RASSF5: variants seen among roughly 807,000 people sequenced by gnomAD.
RASSF5 encodes the protein Ras association domain family member 5.
In RASSF5, 25 loss-of-function variants were observed where a neutral mutation model predicts 40.5. That is an observed-to-expected ratio of 0.62 (90% CI 0.45 to 0.86). The LOEUF (loss-of-function observed/expected upper bound fraction) is 0.86, where lower values mean the gene tolerates loss of function less well. Ranked by LOEUF, RASSF5 falls within the 40% of genes least tolerant of loss-of-function variation. The probability of loss-of-function intolerance (pLI) is 0.00; values close to 1 mark genes in which losing one functional copy is unlikely to be tolerated. For missense variants in RASSF5, 521 were observed against 572.8 expected (o/e 0.91, Z 0.92); for synonymous variants, 246 against 252.4 (o/e 0.97, Z 0.24).
At chr1:206,557,512 G>A in intron 2 of RASSF5, 2 of 1,603,820 alleles carry the variant, frequency 1.2e-6, no homozygotes, top group South Asian at 1.1e-5. Context: ...ACCTCCCTCC[G>A]CCGCATCCCA....
intron 1 of RASSF5, chr1:206,528,828 A>G: frequency 2.5e-6 from 1 of 401,620 alleles, no homozygotes; most frequent in Non-Finnish European, 4.4e-6. Flanking sequence ...ACTTGAGGCC[A>G]GGAGTTTGAG....
chr1:206,569,871 A>G (rs1668392799), intron 2 of RASSF5, among the ~76,000 whole-genome samples: 1 of 152,040 alleles, frequency 6.6e-6, no homozygotes, highest in Non-Finnish European at 1.5e-5. Context: ...GCCTAGTCCT[A>G]GGAAAAGAGC....
intron 1 of RASSF5, among the ~76,000 whole-genome samples, chr1:206,520,195 G>A (rs1268121954): frequency 6.6e-6 from 1 of 152,216 alleles, no homozygotes; most frequent in Non-Finnish European, 1.5e-5. Flanking sequence ...AAAAGAGGAG[G>A]GGAGAAGACA....
intron 2 of RASSF5, among the ~76,000 whole-genome samples, chr1:206,562,121 TC>T (rs1351633132): frequency 6.6e-6 from 1 of 152,106 alleles, no homozygotes; most frequent in Non-Finnish European, 1.5e-5. Flanking sequence ...CCTACACTGC[TC>T]CCTGTTCCCT....
chr1:206,512,776 C>T (rs549737806), intron 1 of RASSF5, among the ~76,000 whole-genome samples: 2 of 152,324 alleles, frequency 1.3e-5, no homozygotes, highest in Admixed American at 6.5e-5. Context: ...GCCAGAGGCT[C>T]AGGGGAAGCT....
In RASSF5 at chr1:206,584,362, C is replaced by G. The variant is rs782137327; in HGVS notation, c.691-25C>G. 1 of 1,593,154 alleles carries G rather than the reference C, an allele frequency of 6.3e-7. No homozygotes were observed. The highest frequency in any genetic ancestry group is 2.2e-5 in the East Asian group (1 of 44,740). ...TCATGCAAGGCGGACGGCCCTGACC[C>G]CCTGTGACATGCCCCCGCTGGCAGA... On this transcript the variant is annotated intron_variant, in intron 3 of 5. Transcript: ENST00000579436. The surrounding 1 kb of genome is among the most constrained non-coding windows in gnomAD (Gnocchi z 4.9).
intron 1 of RASSF5, among the ~76,000 whole-genome samples, chr1:206,508,289 ACCTGTCT>A (rs1156393024): frequency 2.0e-5 from 3 of 151,656 alleles, no homozygotes; most frequent in Non-Finnish European, 2.9e-5. Context: ...GTTAACAGAT[ACCTGTCT>A]CCTGACAGGT....
At chr1:206,577,882 T>G (rs1553405462) in intron 2 of RASSF5, among the ~76,000 whole-genome samples, 1 of 152,134 alleles carries the variant, frequency 6.6e-6, no homozygotes, top group Non-Finnish European at 1.5e-5. Context: ...TTAAAGAGCT[T>G]TAGTCTAGTT....
At position 206,536,644 on chromosome 1, in the gene RASSF5, C is replaced by T. The variant is rs907324339; in HGVS notation, c.458-1528C>T. 7.2e-5 allele frequency among the ~76,000 whole-genome samples: 11 copies of T among 152,090 alleles called. No individual in the cohort carries two copies. The East Asian group carries it at 7.7e-4, about 11-fold the overall frequency. ...GTGTGCTGTGGTGGCTTTTAAAAAT[C>T]GACACCAAATGTACTGAATTTTTGG... On this transcript the variant is annotated intron_variant, in intron 1 of 5. Coordinates refer to ENST00000579436, the MANE Select transcript of RASSF5 (RefSeq NM_182663.4).
rs1668094483 is a variant in RASSF5, at chr1:206,560,047, T to C, written c.579+21754T>C. ...GCTCTGCCATATTCTGACCCCATTC[T>C]GACCTCTTACAGTGCTTTTATTCTT... On this transcript the variant is annotated intron_variant, in intron 2 of 5. Coordinates refer to ENST00000579436, the MANE Select transcript of RASSF5 (RefSeq NM_182663.4). This position sits in a 1 kb window ranked among gnomAD's most constrained non-coding sequence, Gnocchi z 5.1. Among the ~76,000 whole-genome samples the C allele has an allele frequency of 6.6e-6, 1 of 152,262 alleles. No homozygotes were observed. Among genetic ancestry groups the C allele is most frequent in the Admixed American group, 6.5e-5 (1 of 15,280 alleles).
rs1553401121 is a variant in RASSF5 at position 206,552,143 on chromosome 1, G to A, written c.579+13850G>A. Among the ~76,000 whole-genome samples the A allele has an allele frequency of 6.6e-6, 1 of 152,216 alleles. No homozygotes were observed. Among genetic ancestry groups the A allele is most frequent in the African/African-American group, 2.4e-5 (1 of 41,444 alleles). On this transcript the variant is annotated intron_variant, in intron 2 of 5. Transcript: ENST00000579436. The surrounding 1 kb of genome is among the most constrained non-coding windows in gnomAD (Gnocchi z 4.1). ...AAGTGTGGTGTGGGTTAGCACCGCT[G>A]AGAAAGTGACTGTAGGGTGAGTCTA...
intron 1 of RASSF5, among the ~76,000 whole-genome samples, chr1:206,515,825 TTGG>T (rs1247435232): frequency 2.0e-5 from 3 of 152,210 alleles, no homozygotes; most frequent in Non-Finnish European, 4.4e-5. Context: ...AGTTGGAGAC[TTGG>T]TGGTCTCTGC....
Position 206,587,029 on chromosome 1 carries a change from A to C in RASSF5, c.*51A>C. 6.2e-7 allele frequency: 1 copy of C among 1,603,200 alleles called. No homozygotes were observed. The highest frequency in any genetic ancestry group is 8.5e-7 in the Non-Finnish European group (1 of 1,174,174). On this transcript the variant is annotated 3_prime_UTR_variant, in exon 6 of 6. Transcript: ENST00000579436. ...TGCATTCAGATTTATTTGTATTATTAATTATTATTTTGCAACAGACACTTT... is the reference window on the plus strand; with the variant it reads ...TGCATTCAGATTTATTTGTATTATTCATTATTATTTTGCAACAGACACTTT...
chr1:206,545,542 T>C (rs1667661868), intron 2 of RASSF5, among the ~76,000 whole-genome samples: 1 of 151,926 alleles, frequency 6.6e-6, no homozygotes, highest in Admixed American at 6.6e-5. Context: ...GGGGTCTTGC[T>C]CTGTTGCCCA....
chr1:206,586,781 T>C (rs782308681), intron 5 of RASSF5, 45 bp from the exon 6 acceptor site: 13 of 1,501,734 alleles, frequency 8.7e-6, no homozygotes, highest in Middle Eastern at 3.5e-4. Flanking sequence ...TTCTAACCTG[T>C]CTCCTATTCT....
intron 1 of RASSF5, among the ~76,000 whole-genome samples, chr1:206,534,592 C>T (rs987673452): frequency 2.0e-5 from 3 of 152,162 alleles, no homozygotes; most frequent in Non-Finnish European, 2.9e-5. Flanking sequence ...GAGCTGCCTG[C>T]ACCCTGAAGC....
chr1:206,507,876 C>A lies in RASSF5; in HGVS notation c.274C>A (p.Arg92=). Reference sequence around the variant, plus strand: ...CCGGCCTGGTCTGCAGCAGAGACTGCGGCGGCGGCCTGGAGCGCCCCGACC... The same window carrying A: ...CCGGCCTGGTCTGCAGCAGAGACTGAGGCGGCGGCCTGGAGCGCCCCGACC... ...PLRPGLQQRL[R]RRPGAPRPRD... The change falls in exon 1 of 6, where the codon CGG becomes AGG. Residue 92 remains arginine (R), a synonymous_variant. Coordinates refer to ENST00000579436, the MANE Select transcript of RASSF5 (RefSeq NM_182663.4). The A allele has an allele frequency of 6.7e-7, 1 of 1,492,982 alleles. No homozygotes were observed. The highest frequency in any genetic ancestry group is 1.3e-5 in the South Asian group (1 of 79,500). The allele number at this position is 1,492,982 out of a possible 1,614,324, so 92.5% of individuals were successfully genotyped here.
intron 2 of RASSF5, among the ~76,000 whole-genome samples, chr1:206,576,433 G>T (rs1052619694): frequency 1.3e-5 from 2 of 152,218 alleles, no homozygotes; most frequent in Non-Finnish European, 2.9e-5. Context: ...ATGGAGTAAA[G>T]TGAGCAAAAT....
At chr1:206,567,973 G>A (rs1572347522) in intron 2 of RASSF5, among the ~76,000 whole-genome samples, 2 of 152,166 alleles carry the variant, frequency 1.3e-5, no homozygotes, top group East Asian at 3.9e-4. Flanking sequence ...AGATCCTGAA[G>A]TTGGACCCAA....
Sources: gnomAD v4.1 joint callset for allele counts (sites outside exome capture counted in the v4.1 genomes callset) on GRCh38, gnomAD v4.1.1 for gene constraint, Gnocchi (gnomAD v3.1) non-coding constraint, MANE v1.5 for transcripts, NCBI Gene and HGNC (gene_info 2026-07-23, HGNC 2026-07-21) for gene names.